Variants in LRP1B observed in about 807,000 individuals in gnomAD.
LRP1B encodes LDL receptor related protein 1B, also known as low-density lipoprotein receptor-related protein 1B.
LRP1B carries 217 observed loss-of-function variants against 556.6 expected under a neutral mutation model. That is an observed-to-expected ratio of 0.39 (90% CI 0.35 to 0.44). The LOEUF is 0.44. Among genes scored for constraint, LRP1B ranks in the 20% least tolerant of loss-of-function variants. The probability of loss-of-function intolerance (pLI) is 1.00; values close to 1 mark genes in which losing one functional copy is unlikely to be tolerated. For synonymous variants in LRP1B, 2,047 were observed against 1,865.8 expected (o/e 1.10, Z -2.50); for missense variants, 5,053 against 5,620.8 (o/e 0.90, Z 3.23).
chr2:140,567,210 A>G (rs1332378611), intron 43 of LRP1B, among the ~76,000 whole-genome samples: 1 of 152,104 alleles, frequency 6.6e-6, no homozygotes, highest in Non-Finnish European at 1.5e-5. Context: ...ATTATTATTG[A>G]GCTGCCCCTT....
intron 2 of LRP1B, among the ~76,000 whole-genome samples, chr2:141,547,829 T>A (rs994442811): frequency 1.3e-5 from 2 of 151,902 alleles, no homozygotes; most frequent in Non-Finnish European, 2.9e-5. Flanking sequence ...TAAGTGTGGA[T>A]ACAAAGATAA....
rs142359723 is a variant in LRP1B at position 140,899,380 on chromosome 2, CAT to C, written c.3766+3538_3766+3539del. On this transcript the variant is annotated intron_variant, in intron 23 of 90. Transcript: ENST00000389484. ...GAGCAAGGTTGGTCTTCAAAATCAT[CAT>C]TAGTTTGGCATTAAGAAACCAGTAG... Among the ~76,000 whole-genome samples the C allele has an allele frequency of 4.6e-3, 694 of 152,264 alleles. 42 individuals carry two copies. In the East Asian group the frequency reaches 0.11, roughly 23 times the overall value.
intron 41 of LRP1B, among the ~76,000 whole-genome samples, chr2:140,691,696 C>T (rs1222482700): frequency 6.6e-6 from 1 of 152,050 alleles, no homozygotes; most frequent in Non-Finnish European, 1.5e-5. Flanking sequence ...AGATAGCAGG[C>T]ACCTATCATG....
At chr2:141,300,235 A>T (rs1686339204) in intron 3 of LRP1B, among the ~76,000 whole-genome samples, 1 of 152,216 alleles carries the variant, frequency 6.6e-6, no homozygotes, top group South Asian at 2.1e-4. Context: ...CTGTGATATC[A>T]GCTAAAACTG....
intron 67 of LRP1B, among the ~76,000 whole-genome samples, chr2:140,381,644 C>A (rs781449285): frequency 7.9e-5 from 12 of 151,976 alleles, no homozygotes; most frequent in Non-Finnish European, 1.6e-4. Context: ...GGGCAGATAA[C>A]CTGAGGTCAG....
At chr2:140,595,136 A>ATG (rs1682390713) in intron 43 of LRP1B, among the ~76,000 whole-genome samples, 2 of 116,840 alleles carry the variant, frequency 1.7e-5, no homozygotes, top group South Asian at 5.8e-4. Context: ...ATATATATAT[A>ATG]TTAGTATGGT....
At chr2:140,272,257 AAACACAC>A (rs1682493919) in intron 85 of LRP1B, among the ~76,000 whole-genome samples, 1 of 79,886 alleles carries the variant, frequency 1.3e-5, no homozygotes, top group Non-Finnish European at 2.7e-5. Context: ...GTGCACACAC[AAACACAC>A]ACACACACAC....
At chr2:141,119,984 AGTTTTATTTT>A (rs1488603575) in intron 7 of LRP1B, among the ~76,000 whole-genome samples, 1 of 151,914 alleles carries the variant, frequency 6.6e-6, no homozygotes, top group Non-Finnish European at 1.5e-5. Context: ...GAGGAAAAAA[AGTTTTATTTT>A]GTTTTATTTT....
intron 1 of LRP1B, among the ~76,000 whole-genome samples, chr2:141,858,749 G>C (rs1483916365): frequency 6.6e-6 from 1 of 152,138 alleles, no homozygotes; most frequent in Non-Finnish European, 1.5e-5. Flanking sequence ...TGTGTGCTTT[G>C]CATGCTGCTA....
intron 43 of LRP1B, among the ~76,000 whole-genome samples, chr2:140,543,851 T>C (rs1481839735): frequency 6.6e-6 from 1 of 151,972 alleles, no homozygotes; most frequent in Non-Finnish European, 1.5e-5. Context: ...CAGGCTGTTA[T>C]TAAAAAATCA....
chr2:140,893,069 G>T (rs2105205284), intron 23 of LRP1B, among the ~76,000 whole-genome samples: 1 of 152,196 alleles, frequency 6.6e-6, no homozygotes, highest in East Asian at 1.9e-4. Context: ...GGGAGGGCAT[G>T]AGGAAAATAA....
chr2:141,385,541 G>A (rs1278133952), intron 3 of LRP1B, among the ~76,000 whole-genome samples: 1 of 151,994 alleles, frequency 6.6e-6, no homozygotes, highest in African/African-American at 2.4e-5. Flanking sequence ...CAGAACAAGA[G>A]CAGCATGCAT....
In LRP1B at chr2:140,314,938, G is replaced by C. The variant is rs991313107; in HGVS notation, c.12802C>G (p.Leu4268Val). The C allele has an allele frequency of 6.2e-7, 1 of 1,600,366 alleles. No individual in the cohort carries two copies. The highest frequency in any genetic ancestry group is 1.3e-5 in the African/African-American group (1 of 74,578). ...QNGGTCVPSV[L>V]GRPTCSCALG... is the part of the protein sequence containing the mutation. ...ACAATGACAATGAAATATTTACCTA[G>C]AACTGATGGTACGCAAGTTCCTCCA... The change falls in exon 83 of 91, where the codon CTA becomes GTA. Residue 4268 changes from leucine to valine, a missense_variant. Physicochemically the swap from Leu to Val is conservative, Grantham distance 32. Around this residue, in one of 5 missense-constraint regions of LRP1B, gnomAD observed 551 missense variants for 592.0 expected, o/e 0.93. Coordinates refer to ENST00000389484, the MANE Select transcript of LRP1B (RefSeq NM_018557.3).
At chr2:140,616,458 A>G (rs1683259948) in intron 41 of LRP1B, among the ~76,000 whole-genome samples, 1 of 150,956 alleles carries the variant, frequency 6.6e-6, no homozygotes. Flanking sequence ...ATTTTGGAAT[A>G]AAATATATTT....
chr2:140,987,013 T>C (rs945797093), intron 17 of LRP1B, among the ~76,000 whole-genome samples: 2 of 152,186 alleles, frequency 1.3e-5, no homozygotes, highest in African/African-American at 2.4e-5. Context: ...TATCTAGCAA[T>C]GGATTGAAAT....
At chr2:141,037,917 C>T (rs562435459) in intron 11 of LRP1B, among the ~76,000 whole-genome samples, 6 of 148,524 alleles carry the variant, frequency 4.0e-5, no homozygotes, top group Non-Finnish European at 9.0e-5. Flanking sequence ...CACACACACA[C>T]ACATCCATAC....
At chr2:141,795,877 T>A (rs1402391733) in intron 2 of LRP1B, among the ~76,000 whole-genome samples, 16 of 71,074 alleles carry the variant, frequency 2.3e-4, no homozygotes, top group African/African-American at 6.1e-4. Context: ...TATATATATA[T>A]ATATATATAT....
chr2:141,496,271 C>T (rs1683504099), intron 2 of LRP1B, among the ~76,000 whole-genome samples: 1 of 151,650 alleles, frequency 6.6e-6, no homozygotes, highest in Admixed American at 6.6e-5. Context: ...CCATACTATG[C>T]ACTCTAAAAA....
intron 32 of LRP1B, among the ~76,000 whole-genome samples, chr2:140,794,843 C>A (rs1690249255): frequency 6.6e-6 from 1 of 152,004 alleles, no homozygotes; most frequent in Non-Finnish European, 1.5e-5. Flanking sequence ...AAACTCCCAA[C>A]CTAAGGTGAT....
Sources: gnomAD v4.1 joint callset for allele counts (sites outside exome capture counted in the v4.1 genomes callset) on GRCh38, gnomAD v4.1.1 for gene constraint, gnomAD v4.1.1 regional missense constraint, MANE v1.5 for transcripts, NCBI Gene and HGNC (gene_info 2026-07-23, HGNC 2026-07-21) for gene names.